The following TRIM75 variants were observed in gnomAD, a reference collection of about 807,000 sequenced individuals.
The protein encoded by TRIM75 is tripartite motif-containing protein 75.
At chr4:165,054,060 C>A in the TRIM75 span, among the ~76,000 whole-genome samples, 6 of 151,880 alleles carry the variant, frequency 4.0e-5, no homozygotes, top group African/African-American at 1.5e-4. Flanking sequence ...CACAAGGGAA[C>A]CTGAATTCGG....
At chr4:165,056,687 T>G in the TRIM75 span, among the ~76,000 whole-genome samples, 1 of 134,272 alleles carries the variant, frequency 7.4e-6, no homozygotes, top group Non-Finnish European at 1.6e-5. Flanking sequence ...TGATCTCGAC[T>G]CACCACAACC....
the TRIM75 span, chr4:165,059,058 A>C: frequency 1.3e-5 from 8 of 638,244 alleles, no homozygotes; most frequent in Non-Finnish European, 2.0e-5. Context: ...GTGAGATCTA[A>C]GAGCATATCT....
the TRIM75 span, chr4:165,059,450 C>T: frequency 2.6e-6 from 2 of 780,914 alleles, no homozygotes; most frequent in Non-Finnish European, 2.4e-6. Context: ...AGAAACACAA[C>T]CAGCCCCTGA....
chr4:165,055,918 T>G, the TRIM75 span, among the ~76,000 whole-genome samples: 12 of 107,366 alleles, frequency 1.1e-4, no homozygotes, highest in East Asian at 1.9e-3. Flanking sequence ...GCTGTCTCTC[T>G]CTCCCTTTTT....
the TRIM75 span, among the ~76,000 whole-genome samples, chr4:165,058,939 G>A: frequency 6.6e-6 from 1 of 152,122 alleles, no homozygotes; most frequent in African/African-American, 2.4e-5. Context: ...GACTCCTTTT[G>A]GCAGTTGGAA....
At chr4:165,054,996 C>G in the TRIM75 span, among the ~76,000 whole-genome samples, 1 of 152,092 alleles carries the variant, frequency 6.6e-6, no homozygotes, top group African/African-American at 2.4e-5. Flanking sequence ...AGGTCCCCAT[C>G]AGGCTGTTTA....
chr4:165,054,266 AT>A, the TRIM75 span, among the ~76,000 whole-genome samples: 37,886 of 96,294 alleles, frequency 0.39, 6,240 homozygotes, highest in East Asian at 0.59. Context: ...TAATTTGTGT[AT>A]TTTTTTTTTT....
the TRIM75 span, among the ~76,000 whole-genome samples, chr4:165,054,788 TA>T: frequency 6.6e-6 from 1 of 152,142 alleles, no homozygotes; most frequent in Non-Finnish European, 1.5e-5. Flanking sequence ...AAATGCTTAC[TA>T]AAAAAAGTTA....
the TRIM75 span, chr4:165,059,955 C>T: frequency 1.3e-6 from 1 of 779,070 alleles, no homozygotes; most frequent in African/African-American, 1.7e-5. Context: ...CTTTTCAATT[C>T]ATTTAAAGAG....
chr4:165,059,556 G>A, the TRIM75 span: 2 of 780,876 alleles, frequency 2.6e-6, no homozygotes, highest in South Asian at 1.3e-5. Flanking sequence ...AGAGAAAGCT[G>A]CCATTCATTA....
At chr4:165,056,170 A>T in the TRIM75 span, among the ~76,000 whole-genome samples, 6 of 151,710 alleles carry the variant, frequency 4.0e-5, no homozygotes, top group Non-Finnish European at 7.4e-5. Flanking sequence ...AAATATATAT[A>T]TTTTCAGCTT....
the TRIM75 span, chr4:165,059,174 A>C: frequency 2.6e-6 from 2 of 779,184 alleles, no homozygotes; most frequent in Non-Finnish European, 4.8e-6. Flanking sequence ...CTCTGACCGG[A>C]CTCCAAGCAG....
the TRIM75 span, among the ~76,000 whole-genome samples, chr4:165,058,478 T>G: frequency 1.3e-5 from 2 of 152,202 alleles, no homozygotes; most frequent in Non-Finnish European, 2.9e-5. Context: ...GAATTTGGGA[T>G]GTAAAGCAAA....
the TRIM75 span, chr4:165,060,517 A>C: frequency 1.3e-6 from 1 of 776,928 alleles, no homozygotes; most frequent in Non-Finnish European, 2.4e-6. Flanking sequence ...CCAGATTCAC[A>C]ACCTCTCAGA....
At chr4:165,059,498 G>A in the TRIM75 span, 13 of 780,782 alleles carry the variant, frequency 1.7e-5, no homozygotes, top group Non-Finnish European at 2.9e-5. Context: ...TGTTGTGTCC[G>A]CTGTGCACTC....
At chr4:165,059,487 G>T in the TRIM75 span, 1 of 780,936 alleles carries the variant, frequency 1.3e-6, no homozygotes, top group Non-Finnish European at 2.4e-6. Flanking sequence ...GGACCTGATG[G>T]TGTTGTGTCC....
chr4:165,059,451 C>T, the TRIM75 span: 1 of 780,886 alleles, frequency 1.3e-6, no homozygotes. Context: ...GAAACACAAC[C>T]AGCCCCTGAG....
the TRIM75 span, chr4:165,060,061 C>T: frequency 9.0e-6 from 7 of 780,596 alleles, no homozygotes; most frequent in South Asian, 6.7e-5. Context: ...ACAGCACACC[C>T]TAACCTGATT....
chr4:165,054,754 T>C, the TRIM75 span, among the ~76,000 whole-genome samples: 1 of 152,192 alleles, frequency 6.6e-6, no homozygotes, highest in Non-Finnish European at 1.5e-5. Context: ...CTGATTTATT[T>C]ACTAGTTTTG....
Sources: gnomAD v4.1 joint callset for allele counts (sites outside exome capture counted in the v4.1 genomes callset) on GRCh38, gnomAD v4.1.1 for gene constraint, MANE v1.5 for transcripts, NCBI Gene and HGNC (gene_info 2026-07-23, HGNC 2026-07-21) for gene names.